The following SLC7A7 variants were observed in gnomAD, a reference collection of about 807,000 sequenced individuals.
SLC7A7 encodes the protein Y+L amino acid transporter 1.
Under a neutral mutation model 47.9 loss-of-function variants are expected in SLC7A7, and 39 were observed. The observed-to-expected ratio is 0.81, with a 90% CI of 0.63 to 1.06. The LOEUF (loss-of-function observed/expected upper bound fraction) is 1.06. Among genes scored for constraint, SLC7A7 ranks in the 50% least tolerant of loss-of-function variants. SLC7A7 has a pLI of 0.00. For synonymous variants in SLC7A7, 234 were observed against 242.8 expected, an observed-to-expected ratio of 0.96 and a Z score of 0.34; for missense variants, 588 against 632.0, an observed-to-expected ratio of 0.93 and a Z score of 0.75.
At chr14:22,782,202 A>C (rs1337246041) in intron 2 of SLC7A7, among the ~76,000 whole-genome samples, 1 of 152,014 alleles carries the variant, frequency 6.6e-6, no homozygotes, top group Non-Finnish European at 1.5e-5. Context: ...TCCCGGGTTC[A>C]AGCCATTCTC....
At chr14:22,800,812 G>T (rs1197000938) in intron 2 of SLC7A7, among the ~76,000 whole-genome samples, 1 of 152,042 alleles carries the variant, frequency 6.6e-6, no homozygotes. Context: ...GGTGGGGCAC[G>T]CCTGTAATCC....
intron 2 of SLC7A7, 127 bp downstream of exon 2, chr14:22,812,773 C>CTATATCTATATATATATATATATATATA (rs2039331987): frequency 2.5e-6 from 1 of 398,386 alleles, no homozygotes; most frequent in East Asian, 4.8e-5. Flanking sequence ...CATACTTTAA[C>CTATATCTATATATATATATATATATATA]TATATATATA....
chr14:22,797,521 T>C (rs2139430843), intron 2 of SLC7A7, among the ~76,000 whole-genome samples: 1 of 152,248 alleles, frequency 6.6e-6, no homozygotes, highest in African/African-American at 2.4e-5. Context: ...AAGTGGACAT[T>C]GACAATTACA....
intron 2 of SLC7A7, among the ~76,000 whole-genome samples, chr14:22,781,200 C>T (rs75647486): frequency 0.011 from 1,697 of 152,298 alleles, 36 homozygotes; most frequent in African/African-American, 0.039. Flanking sequence ...AGGCCTAGTA[C>T]AGTTCTTGCC....
chr14:22,788,269 C>T (rs2038856015), intron 2 of SLC7A7, among the ~76,000 whole-genome samples: 1 of 152,132 alleles, frequency 6.6e-6, no homozygotes, highest in Non-Finnish European at 1.5e-5. Context: ...AATCTGCATA[C>T]ACATGCCTCT....
chr14:22,776,147 A>G (rs538139127), intron 5 of SLC7A7, 48 bp downstream of exon 5: 1 of 1,613,508 alleles, frequency 6.2e-7, no homozygotes, highest in African/African-American at 1.3e-5. Context: ...GAATATACCC[A>G]GTACCCCACA....
chr14:22,797,359 C>T (rs753298267), intron 2 of SLC7A7, among the ~76,000 whole-genome samples: 1 of 152,184 alleles, frequency 6.6e-6, no homozygotes, highest in Admixed American at 6.6e-5. Flanking sequence ...ATTTCTACTA[C>T]CCTAGACAGG....
chr14:22,812,208 C>T (rs2039321156), intron 2 of SLC7A7, among the ~76,000 whole-genome samples: 1 of 151,666 alleles, frequency 6.6e-6, no homozygotes, highest in African/African-American at 2.4e-5. Context: ...ACTCTGTTGC[C>T]CAGGCTGGAG....
intron 2 of SLC7A7, among the ~76,000 whole-genome samples, chr14:22,781,678 C>T (rs1227056919): frequency 2.0e-5 from 3 of 152,142 alleles, no homozygotes; most frequent in Non-Finnish European, 4.4e-5. Context: ...AGTCACCCAT[C>T]CTTTACTCCC....
chr14:22,793,540 G>C (rs779510667), intron 2 of SLC7A7, among the ~76,000 whole-genome samples: 16 of 152,130 alleles, frequency 1.1e-4, no homozygotes, highest in Non-Finnish European at 2.1e-4. Context: ...GGCTGGGCAC[G>C]GTGGCTCATG....
At chr14:22,790,752 C>T (rs2038909617) in intron 2 of SLC7A7, among the ~76,000 whole-genome samples, 1 of 152,162 alleles carries the variant, frequency 6.6e-6, no homozygotes, top group Admixed American at 6.6e-5. Flanking sequence ...GTAATCCCAG[C>T]ACTTTGGGAG....
chr14:22,778,487 A>G (rs2139394130), intron 4 of SLC7A7, among the ~76,000 whole-genome samples: 1 of 152,344 alleles, frequency 6.6e-6, no homozygotes, highest in Non-Finnish European at 1.5e-5. Flanking sequence ...ATATCTATCA[A>G]GGAAAATCTG....
chr14:22,801,148 A>G (rs1379021403), intron 2 of SLC7A7, among the ~76,000 whole-genome samples: 1 of 152,176 alleles, frequency 6.6e-6, no homozygotes, highest in African/African-American at 2.4e-5. Context: ...TTATAGCACA[A>G]TAATAACTAG....
chr14:22,813,130 T>C lies in SLC7A7; in HGVS notation c.269A>G (p.Tyr90Cys), dbSNP rs375791337. ...GLFSVFGALC[Y>C]AELGTTIKKS... Reference sequence around the variant, plus strand: ...CTTAATGGTGGTGCCCAGTTCCGCATAACAAAGGGCCCCAAAGACGGAGAA... The same window carrying C: ...CTTAATGGTGGTGCCCAGTTCCGCACAACAAAGGGCCCCAAAGACGGAGAA... Residue 90 changes from tyrosine (Y) to cysteine (C), a missense_variant, in exon 2 of 10, where the codon TAT (tyrosine) becomes TGT (cysteine). Coordinates refer to ENST00000674313, the MANE Select transcript of SLC7A7 (RefSeq NM_003982.4). 22 of 1,613,840 alleles carry C rather than the reference T, an allele frequency of 1.4e-5. No individual in the cohort carries two copies. Among genetic ancestry groups the C allele is most frequent in the East Asian group, 2.2e-5 (1 of 44,892 alleles).
intron 4 of SLC7A7, among the ~76,000 whole-genome samples, chr14:22,777,861 G>A (rs1732392470): frequency 6.6e-6 from 1 of 152,188 alleles, no homozygotes; most frequent in African/African-American, 2.4e-5. Context: ...ATCACCTGAG[G>A]TCAGGAGTTC....
At chr14:22,793,055 T>TA (rs1566452179) in intron 2 of SLC7A7, among the ~76,000 whole-genome samples, 1 of 151,470 alleles carries the variant, frequency 6.6e-6, no homozygotes, top group Non-Finnish European at 1.5e-5. Context: ...TAGCTGAGAC[T>TA]ACAGGCGCCC....
chr14:22,813,300 C>T lies in SLC7A7; in HGVS notation c.99G>A (p.Leu33=), dbSNP rs757080971. 2.5e-5 allele frequency: 40 copies of T among 1,614,110 alleles called. No homozygotes were observed. The highest frequency in any genetic ancestry group is 3.2e-5 in the Non-Finnish European group (38 of 1,180,044). Residue 33 remains leucine (L), a synonymous_variant, in exon 2 of 10, where the codon CTG becomes CTA. Transcript: ENST00000674313. ...CGTTAAGCAGTGAGATCTCCTTCTT[C>T]AGCTTCACCTGCTCCGGCCCTGGGC... ...GASPGPEQVK[L]KKEISLLNGV...
chr14:22,781,774 G>A (rs2038723709), intron 2 of SLC7A7, among the ~76,000 whole-genome samples: 2 of 152,134 alleles, frequency 1.3e-5, no homozygotes, highest in Admixed American at 6.5e-5. Context: ...AGGCTCTGCG[G>A]CTGGCTCATA....
intron 2 of SLC7A7, among the ~76,000 whole-genome samples, chr14:22,798,129 C>G (rs898170264): frequency 3.9e-5 from 6 of 152,034 alleles, no homozygotes; most frequent in Non-Finnish European, 7.4e-5. Context: ...AACCCCATCT[C>G]TACTAAAAAT....
Sources: allele counts gnomAD v4.1 joint callset (sites outside exome capture counted in the v4.1 genomes callset), GRCh38; gene constraint gnomAD v4.1.1; transcripts MANE v1.5; gene names NCBI Gene and HGNC (gene_info 2026-07-23, HGNC 2026-07-21).